The following ICE1 variants were observed in gnomAD, a reference collection of about 807,000 sequenced individuals.
The protein encoded by ICE1 is little elongation complex subunit 1.
ICE1 carries 64 observed loss-of-function variants against 192.7 expected under a neutral mutation model. The ratio of observed to expected loss-of-function variants is 0.33; its 90% CI spans 0.27 to 0.41. The LOEUF (loss-of-function observed/expected upper bound fraction) is 0.41, where lower values mean the gene tolerates loss of function less well. ICE1 is among the 10% of genes least tolerant of loss of function. ICE1 has a pLI of 1.00. For synonymous variants in ICE1, 1,010 were observed against 984.5 expected, an observed-to-expected ratio of 1.03 and a Z score of -0.49; for missense variants, 2,708 against 2,696.0, an observed-to-expected ratio of 1.00 and a Z score of -0.10.
rs764449167 is a variant in ICE1 at position 5,470,808 on chromosome 5, T to C, written c.6222+1820T>C. 1.3e-4 allele frequency among the ~76,000 whole-genome samples: 20 copies of C among 152,300 alleles called. No individual in the cohort carries two copies. In the South Asian group the frequency reaches 1.7e-3, roughly 13 times the overall value. On this transcript the variant is annotated intron_variant, in intron 15 of 18. Transcript: ENST00000296564. ...TTACATTTACTTTGAAATTGAGATA[T>C]ACATTCTTAGACAATCTGGGAACAA...
intron 11 of ICE1, among the ~76,000 whole-genome samples, chr5:5,454,903 G>A (rs545634888): frequency 2.0e-5 from 3 of 152,086 alleles, no homozygotes; most frequent in South Asian, 4.2e-4. Flanking sequence ...GGTGGAGAGG[G>A]GATACTTGAA....
intron 17 of ICE1, among the ~76,000 whole-genome samples, chr5:5,476,566 A>G (rs1486892089): frequency 6.6e-6 from 1 of 152,130 alleles, no homozygotes; most frequent in Non-Finnish European, 1.5e-5. Context: ...GCTTTCAGTC[A>G]TGGTTGCAGG....
At chr5:5,453,724 T>A (rs1472983917) in intron 10 of ICE1, among the ~76,000 whole-genome samples, 11 of 152,202 alleles carry the variant, frequency 7.2e-5, no homozygotes, top group Admixed American at 7.2e-4. Flanking sequence ...TACTTTTTGC[T>A]TTAGAAGGTT....
Position 5,463,303 on chromosome 5 carries a change from TGCCTTG to T in ICE1, c.3971_3976del (p.Ala1324_Leu1325del). 6.2e-7 allele frequency: 1 copy of T among 1,613,662 alleles called. No individual in the cohort carries two copies. Among genetic ancestry groups the T allele is most frequent in the South Asian group, 1.1e-5 (1 of 90,974 alleles). ...CTTCAGAACCAACCCCACAAGCAGC[TGCCTTG>T]GACACTGAGGGCAGCTCTCCCATCA... On this transcript the variant is annotated inframe_deletion, in exon 13 of 19. Coordinates refer to ENST00000296564, the MANE Select transcript of ICE1 (RefSeq NM_015325.3).
intron 17 of ICE1, among the ~76,000 whole-genome samples, chr5:5,477,235 C>T (rs996102457): frequency 6.6e-6 from 1 of 151,854 alleles, no homozygotes; most frequent in African/African-American, 2.4e-5. Context: ...CAAAATAGAC[C>T]ACTAGCCAGA....
chr5:5,466,013 A>G (rs939162306), intron 13 of ICE1, among the ~76,000 whole-genome samples: 1 of 152,194 alleles, frequency 6.6e-6, no homozygotes, highest in Non-Finnish European at 1.5e-5. Flanking sequence ...CATAAGGCAA[A>G]ACCCAAGAAA....
intron 12 of ICE1, 51 bp from the exon 13 acceptor site, chr5:5,460,385 A>ACT: frequency 2.8e-6 from 3 of 1,078,258 alleles, no homozygotes; most frequent in Non-Finnish European, 4.0e-6. Flanking sequence ...ATTGATAGTC[A>ACT]TGTTAATCTG....
At chr5:5,457,025 C>T (rs773038433) in intron 11 of ICE1, among the ~76,000 whole-genome samples, 18 of 152,092 alleles carry the variant, frequency 1.2e-4, no homozygotes, top group Non-Finnish European at 2.4e-4. Context: ...ATCCAGAGAC[C>T]GAGTGAGCCA....
chr5:5,467,919 G>T (rs1016139793), intron 14 of ICE1, among the ~76,000 whole-genome samples: 1 of 152,180 alleles, frequency 6.6e-6, no homozygotes. Context: ...CACTTACGCA[G>T]CAGAAACACA....
intron 1 of ICE1, among the ~76,000 whole-genome samples, chr5:5,430,559 A>G (rs1375321082): frequency 6.6e-6 from 1 of 152,212 alleles, no homozygotes; most frequent in Non-Finnish European, 1.5e-5. Flanking sequence ...AGCAGCCCCC[A>G]GCCCCACTCA....
intron 3 of ICE1, 101 bp downstream of exon 3, chr5:5,437,215 A>G: frequency 1.2e-6 from 1 of 823,966 alleles, no homozygotes; most frequent in Non-Finnish European, 2.0e-6. Context: ...TCTGGAAGAT[A>G]GTACTTAACA....
intron 15 of ICE1, among the ~76,000 whole-genome samples, chr5:5,472,996 A>G (rs1049295683): frequency 2.0e-5 from 3 of 152,250 alleles, no homozygotes; most frequent in Non-Finnish European, 4.4e-5. Context: ...GTGAATTGAT[A>G]AACAGTAATA....
chr5:5,463,135 G>A lies in ICE1; in HGVS notation c.3801G>A (p.Arg1267=), dbSNP rs1738853129. 2.5e-6 allele frequency: 4 copies of A among 1,612,756 alleles called. No homozygotes were observed. Among genetic ancestry groups the A allele is most frequent in the African/African-American group, 1.3e-5 (1 of 74,844 alleles). Residue 1267 remains arginine, a synonymous_variant, in exon 13 of 19, where the codon AGG becomes AGA. Transcript: ENST00000296564. The part of the protein sequence containing the change: ...ETLSEVLTKI[R]QELQTNSEDC... The stretch of plus-strand genomic sequence containing the variant: ...TGTCTGAGGTTCTGACCAAGATTAG[G>A]CAAGAACTTCAAACAAATTCTGAAG...
At chr5:5,476,287 T>C (rs1237849581) in intron 17 of ICE1, among the ~76,000 whole-genome samples, 2 of 152,218 alleles carry the variant, frequency 1.3e-5, no homozygotes, top group African/African-American at 4.8e-5. Flanking sequence ...TTAAGATTTT[T>C]CATATTAGTA....
chr5:5,435,667 T>TG (rs1561074253), intron 1 of ICE1, among the ~76,000 whole-genome samples: 2 of 118,386 alleles, frequency 1.7e-5, no homozygotes, highest in African/African-American at 3.3e-5. Flanking sequence ...GTTTTTTTTT[T>TG]TTTTTGTTTT....
intron 7 of ICE1, among the ~76,000 whole-genome samples, chr5:5,445,950 C>G (rs1156257559): frequency 6.6e-6 from 1 of 151,856 alleles, no homozygotes; most frequent in African/African-American, 2.4e-5. Context: ...AACTCCTAAC[C>G]TCAGGTGATC....
At position 5,471,811 on chromosome 5, in the gene ICE1, CT is replaced by C. The variant is rs1278524319; in HGVS notation, c.6223-1746del. On this transcript the variant is annotated intron_variant, in intron 15 of 18. Coordinates refer to ENST00000296564, the MANE Select transcript of ICE1 (RefSeq NM_015325.3). ...TAAAATCATGAGTTAGGGATTCCTG[CT>C]GTAACCATGGTGGGAAGTATTTCCC... Among the ~76,000 whole-genome samples, 4 of 152,196 alleles carry C rather than the reference CT, an allele frequency of 2.6e-5. No individual in the cohort carries two copies. The East Asian group carries it at 7.7e-4, about 29-fold the overall frequency.
At chr5:5,459,263 A>C (rs1738683218) in intron 12 of ICE1, among the ~76,000 whole-genome samples, 1 of 152,210 alleles carries the variant, frequency 6.6e-6, no homozygotes, top group Admixed American at 6.5e-5. Context: ...ATGAGGTCAA[A>C]TGAGCAGCAT....
Position 5,464,163 on chromosome 5 carries a change from C to A in ICE1, c.4829C>A (p.Thr1610Lys), listed in dbSNP as rs1738900090. The A allele has an allele frequency of 1.9e-6, 3 of 1,613,682 alleles. No individual in the cohort carries two copies. Among genetic ancestry groups the A allele is most frequent in the Non-Finnish European group, 2.5e-6 (3 of 1,179,880 alleles). Residue 1610 changes from threonine to lysine, a missense_variant, in exon 13 of 19, where the codon ACA becomes AAA. Thr to Lys is a moderately conservative substitution (Grantham distance 78). This residue lies in a region of ICE1 where 2,366 missense variants were observed against 2,276.6 expected (regional missense o/e 1.04). Transcript: ENST00000296564. The surrounding 1 kb of genome is among the most constrained non-coding windows in gnomAD (Gnocchi z 4.0). ...QTQTILANADTSTPTDCSPDT... is the reference protein window; with the variant it reads ...QTQTILANADKSTPTDCSPDT... Reference sequence around the variant, plus strand: ...CAGACCATTTTAGCAAATGCTGATACATCCACTCCTACAGATTGTTCTCCT... The same window carrying A: ...CAGACCATTTTAGCAAATGCTGATAAATCCACTCCTACAGATTGTTCTCCT...
Sources: gnomAD v4.1 joint callset for allele counts (sites outside exome capture counted in the v4.1 genomes callset) on GRCh38, gnomAD v4.1.1 for gene constraint, gnomAD v4.1.1 regional missense constraint, Gnocchi (gnomAD v3.1) non-coding constraint, MANE v1.5 for transcripts, NCBI Gene and HGNC (gene_info 2026-07-23, HGNC 2026-07-21) for gene names.